PIP5K1B: variants seen among roughly 807,000 people sequenced by gnomAD.
The protein encoded by PIP5K1B is phosphatidylinositol 4-phosphate 5-kinase type-1 beta.
A neutral mutation model predicts 67.0 loss-of-function variants in PIP5K1B; 42 were observed. That is an observed-to-expected ratio of 0.63 (90% CI 0.49 to 0.81). The LOEUF (loss-of-function observed/expected upper bound fraction) is 0.81. Among genes scored for constraint, PIP5K1B ranks in the 30% least tolerant of loss-of-function variants. PIP5K1B has a pLI of 0.00. For missense variants in PIP5K1B, 459 were observed against 646.3 expected (o/e 0.71, Z 3.14); for synonymous variants, 214 against 231.4 (o/e 0.92, Z 0.68).
intron 8 of PIP5K1B, among the ~76,000 whole-genome samples, chr9:68,913,359 A>G (rs756416505): frequency 6.6e-6 from 1 of 152,208 alleles, no homozygotes; most frequent in Non-Finnish European, 1.5e-5. Context: ...TGTGCACCTG[A>G]GTGATGAACT....
At chr9:68,963,715 G>A (rs545109041) in intron 14 of PIP5K1B, among the ~76,000 whole-genome samples, 8 of 152,192 alleles carry the variant, frequency 5.3e-5, no homozygotes, top group African/African-American at 1.2e-4. Flanking sequence ...GGTAGTGGGG[G>A]CATTCATTAT....
chr9:68,969,337 C>T (rs959224914), intron 14 of PIP5K1B, among the ~76,000 whole-genome samples: 1 of 145,446 alleles, frequency 6.9e-6, no homozygotes, highest in African/African-American at 2.6e-5. Flanking sequence ...CACTGCACTC[C>T]AGCCTGGGCA....
intron 8 of PIP5K1B, 135 bp downstream of exon 8, chr9:68,894,773 G>A: frequency 1.2e-6 from 1 of 803,994 alleles, no homozygotes; most frequent in Non-Finnish European, 2.0e-6. Context: ...CCCAATCCTG[G>A]CGCTGAGCCA....
intron 14 of PIP5K1B, among the ~76,000 whole-genome samples, chr9:68,965,973 C>CA (rs1198036806): frequency 0.015 from 1,009 of 66,448 alleles, 6 homozygotes; most frequent in Non-Finnish European, 0.023. Context: ...GACTCCATCT[C>CA]AAAAAAAAAA....
chr9:68,939,027 C>A (rs117364785), intron 13 of PIP5K1B, among the ~76,000 whole-genome samples: 1 of 152,218 alleles, frequency 6.6e-6, no homozygotes, highest in Non-Finnish European at 1.5e-5. Context: ...TGCAAAATCC[C>A]TTTTGCTAGG....
intron 4 of PIP5K1B, among the ~76,000 whole-genome samples, chr9:68,842,118 T>C (rs944529462): frequency 2.0e-4 from 30 of 152,242 alleles, no homozygotes; most frequent in African/African-American, 7.0e-4. Flanking sequence ...TGGTTTCCAC[T>C]TGGGCATTTC....
intron 15 of PIP5K1B, among the ~76,000 whole-genome samples, chr9:69,001,555 A>G (rs1830825321): frequency 6.6e-6 from 1 of 152,146 alleles, no homozygotes; most frequent in Non-Finnish European, 1.5e-5. Flanking sequence ...GAAACTTACA[A>G]TCATGGCAGA....
intron 3 of PIP5K1B, 106 bp downstream of exon 3, chr9:68,818,651 A>G (rs1426257257): frequency 6.6e-6 from 1 of 152,312 alleles, no homozygotes; most frequent in Non-Finnish European, 1.5e-5. Context: ...ACATATATCT[A>G]GCTCATAACC....
chr9:68,760,316 T>TA (rs1193078366), intron 2 of PIP5K1B, among the ~76,000 whole-genome samples: 1 of 152,110 alleles, frequency 6.6e-6, no homozygotes, highest in Non-Finnish European at 1.5e-5. Flanking sequence ...CTGAAAAAGT[T>TA]ACTTTAACCA....
At chr9:68,905,595 ATG>A (rs1825572309) in intron 8 of PIP5K1B, among the ~76,000 whole-genome samples, 1 of 152,212 alleles carries the variant, frequency 6.6e-6, no homozygotes, top group South Asian at 2.1e-4. Flanking sequence ...AGTTTAAAAA[ATG>A]GTTCAGAAAT....
intron 7 of PIP5K1B, among the ~76,000 whole-genome samples, chr9:68,890,646 C>A (rs1587623725): frequency 6.8e-6 from 1 of 146,386 alleles, no homozygotes. Context: ...TAAAATATTT[C>A]AATACTGAGC....
At chr9:68,793,441 G>A (rs1433429596) in intron 2 of PIP5K1B, among the ~76,000 whole-genome samples, 1 of 152,212 alleles carries the variant, frequency 6.6e-6, no homozygotes, top group Non-Finnish European at 1.5e-5. Flanking sequence ...TGATAGCTTG[G>A]ATGAGGGTGG....
At chr9:68,941,403 C>T (rs1219815577) in intron 14 of PIP5K1B, among the ~76,000 whole-genome samples, 3 of 152,120 alleles carry the variant, frequency 2.0e-5, no homozygotes, top group East Asian at 1.9e-4. Context: ...GGAGACACAA[C>T]ATCAGAAGCA....
At chr9:68,787,976 T>C (rs139914057) in intron 2 of PIP5K1B, among the ~76,000 whole-genome samples, 1 of 152,346 alleles carries the variant, frequency 6.6e-6, no homozygotes, top group Non-Finnish European at 1.5e-5. Flanking sequence ...AAGAAGTCTT[T>C]CGTCAGCTTT....
In PIP5K1B at chr9:69,006,192, G is replaced by A. The variant is rs140617796; in HGVS notation, c.1621-2255G>A. Among the ~76,000 whole-genome samples, 1,080 of 151,798 alleles carry A rather than the reference G, an allele frequency of 7.1e-3. 7 individuals are homozygous for A. The highest frequency in any genetic ancestry group is 0.023 in the African/African-American group (937 of 41,424). ...CCAGCCCACTCATTTTTTTTACTCC[G>A]GTTAAAAAGCACTTCTAGCTTGAGA... On this transcript the variant is annotated intron_variant, in intron 15 of 15. Coordinates refer to ENST00000265382, the MANE Select transcript of PIP5K1B (RefSeq NM_003558.4).
chr9:68,796,114 G>T (rs1332719679), intron 2 of PIP5K1B, among the ~76,000 whole-genome samples: 3 of 152,174 alleles, frequency 2.0e-5, no homozygotes, highest in Admixed American at 6.5e-5. Context: ...ATATGTATAT[G>T]TGATTTCATA....
At chr9:68,989,544 TC>T (rs1483121885) in intron 14 of PIP5K1B, among the ~76,000 whole-genome samples, 1 of 147,608 alleles carries the variant, frequency 6.8e-6, no homozygotes, top group Non-Finnish European at 1.5e-5. Context: ...TTCTCCATTT[TC>T]TTTTTTTTTT....
At chr9:68,903,528 C>T (rs1825464561) in intron 8 of PIP5K1B, among the ~76,000 whole-genome samples, 1 of 152,174 alleles carries the variant, frequency 6.6e-6, no homozygotes, top group African/African-American at 2.4e-5. Flanking sequence ...CCATTGAAGA[C>T]CATCCATACA....
intron 2 of PIP5K1B, among the ~76,000 whole-genome samples, 183 bp downstream of exon 2, chr9:68,742,840 A>G (rs1317037407): frequency 1.3e-5 from 2 of 152,192 alleles, no homozygotes; most frequent in African/African-American, 2.4e-5. Flanking sequence ...AATCTTTTAC[A>G]CAAAAGAACA....
Sources: allele counts gnomAD v4.1 joint callset (sites outside exome capture counted in the v4.1 genomes callset), GRCh38; gene constraint gnomAD v4.1.1; transcripts MANE v1.5; gene names NCBI Gene and HGNC (gene_info 2026-07-23, HGNC 2026-07-21).